PRR16: variants seen among roughly 807,000 people sequenced by gnomAD.
The protein encoded by PRR16 is protein Largen.
PRR16 carries 6 observed loss-of-function variants against 18.2 expected under a neutral mutation model. The ratio of observed to expected loss-of-function variants is 0.33; its 90% CI spans 0.18 to 0.65. The LOEUF (loss-of-function observed/expected upper bound fraction) is 0.65, where lower values mean the gene tolerates loss of function less well. Among genes scored for constraint, PRR16 ranks in the 30% least tolerant of loss-of-function variants. The pLI is 0.74. For missense variants in PRR16, 412 were observed against 376.6 expected (o/e 1.09, Z -0.78); for synonymous variants, 151 against 147.8 (o/e 1.02, Z -0.16).
intron 1 of PRR16, among the ~76,000 whole-genome samples, chr5:120,506,300 TTTTATTTTAGAATAAA>T (rs1561521942): frequency 1.3e-5 from 2 of 152,054 alleles, no homozygotes; most frequent in Non-Finnish European, 2.9e-5. Flanking sequence ...ATAAATACAA[TTTTATTTTAGAATAAA>T]TTCTTGCATA....
chr5:120,496,185 T>A (rs959476559), intron 1 of PRR16, among the ~76,000 whole-genome samples: 8 of 152,052 alleles, frequency 5.3e-5, no homozygotes. Flanking sequence ...TCAATTCTAT[T>A]TGGTAAAAAC....
chr5:120,650,209 C>T (rs1416842865), intron 1 of PRR16, among the ~76,000 whole-genome samples: 1 of 148,910 alleles, frequency 6.7e-6, no homozygotes, highest in Non-Finnish European at 1.5e-5. Context: ...GAACAAGACT[C>T]CTTCTAAAAA....
At chr5:120,561,044 A>G (rs558519433) in intron 1 of PRR16, among the ~76,000 whole-genome samples, 1 of 151,946 alleles carries the variant, frequency 6.6e-6, no homozygotes, top group African/African-American at 2.4e-5. Context: ...AAAGGTTTGT[A>G]AATTTTATCT....
At chr5:120,765,158 G>T in the PRR16 span, among the ~76,000 whole-genome samples, 2 of 150,558 alleles carry the variant, frequency 1.3e-5, no homozygotes, top group Non-Finnish European at 1.5e-5. Context: ...TGAAATAAAA[G>T]GTCTTTAAAA....
intron 1 of PRR16, among the ~76,000 whole-genome samples, chr5:120,634,147 A>G (rs757406908): frequency 6.6e-6 from 1 of 152,198 alleles, no homozygotes; most frequent in Non-Finnish European, 1.5e-5. Context: ...ATGCTAACAC[A>G]TGGAAATTAA....
At chr5:120,649,074 C>T (rs1337025559) in intron 1 of PRR16, among the ~76,000 whole-genome samples, 2 of 151,990 alleles carry the variant, frequency 1.3e-5, no homozygotes, top group East Asian at 3.9e-4. Context: ...TCACAAATTC[C>T]AGAAATTTTA....
chr5:120,749,953 C>T, the PRR16 span, among the ~76,000 whole-genome samples: 1 of 152,112 alleles, frequency 6.6e-6, no homozygotes, highest in Non-Finnish European at 1.5e-5. Flanking sequence ...ATTTATTTGT[C>T]TAACCACCTC....
the PRR16 span, among the ~76,000 whole-genome samples, chr5:120,748,312 T>A: frequency 1.3e-5 from 2 of 152,084 alleles, no homozygotes; most frequent in Admixed American, 1.3e-4. Context: ...AAATAGTAAT[T>A]CTCTTCTAAA....
chr5:120,479,154 C>T (rs1027419658), intron 1 of PRR16, among the ~76,000 whole-genome samples: 1 of 152,142 alleles, frequency 6.6e-6, no homozygotes, highest in Non-Finnish European at 1.5e-5. Flanking sequence ...AGAAATGGGG[C>T]TTTCCTAACC....
At chr5:120,591,989 G>T (rs995431073) in intron 1 of PRR16, among the ~76,000 whole-genome samples, 1 of 152,058 alleles carries the variant, frequency 6.6e-6, no homozygotes, top group Non-Finnish European at 1.5e-5. Flanking sequence ...AAAAAGCCCA[G>T]GATTGCTGTT....
At chr5:120,655,937 C>T (rs941410991) in intron 1 of PRR16, among the ~76,000 whole-genome samples, 17 of 151,846 alleles carry the variant, frequency 1.1e-4, no homozygotes, top group Middle Eastern at 3.4e-3. Context: ...TCCCTTGAAT[C>T]ACTATCACTG....
At chr5:120,592,831 A>C (rs781355713) in intron 1 of PRR16, among the ~76,000 whole-genome samples, 1 of 152,176 alleles carries the variant, frequency 6.6e-6, no homozygotes, top group Non-Finnish European at 1.5e-5. Flanking sequence ...GTCAATGTTA[A>C]ATTACTAACT....
chr5:120,556,233 G>GTTTTTTTTTTTTTTTTTTTTT (rs34053155), intron 1 of PRR16, among the ~76,000 whole-genome samples: 1 of 121,760 alleles, frequency 8.2e-6, no homozygotes, highest in Non-Finnish European at 1.7e-5. Flanking sequence ...CAATTTCATT[G>GTTTTTTTTTTTTTTTTTTTTT]TTTTTTTTTT....
At chr5:120,714,954 CAG>C in the PRR16 span, among the ~76,000 whole-genome samples, 23 of 152,160 alleles carry the variant, frequency 1.5e-4, no homozygotes, top group Non-Finnish European at 3.4e-4. Flanking sequence ...CACATGGACA[CAG>C]GGAGGAGAAC....
intron 1 of PRR16, among the ~76,000 whole-genome samples, chr5:120,643,951 G>A (rs1464725355): frequency 6.6e-6 from 1 of 152,120 alleles, no homozygotes; most frequent in Non-Finnish European, 1.5e-5. Flanking sequence ...GTTGCAATGA[G>A]CTGAGATCAT....
chr5:120,568,156 A>G (rs77092755), intron 1 of PRR16, among the ~76,000 whole-genome samples: 1 of 152,210 alleles, frequency 6.6e-6, no homozygotes, highest in Non-Finnish European at 1.5e-5. Context: ...AGAACCCGGA[A>G]AAACGGACAC....
At chr5:120,598,401 A>G (rs1753881609) in intron 1 of PRR16, among the ~76,000 whole-genome samples, 1 of 151,878 alleles carries the variant, frequency 6.6e-6, no homozygotes, top group African/African-American at 2.4e-5. Context: ...TCTTATGCAA[A>G]AGGATGTGAA....
intron 1 of PRR16, among the ~76,000 whole-genome samples, chr5:120,470,422 G>T (rs968484188): frequency 2.0e-5 from 3 of 152,004 alleles, no homozygotes; most frequent in African/African-American, 7.2e-5. Context: ...TAAACATTTT[G>T]TCATATTTTC....
chr5:120,729,745 G>C, the PRR16 span, among the ~76,000 whole-genome samples: 3 of 152,126 alleles, frequency 2.0e-5, no homozygotes. Flanking sequence ...TCCTCACAAA[G>C]TGAAAACATG....
Sources: allele counts gnomAD v4.1 joint callset (sites outside exome capture counted in the v4.1 genomes callset), GRCh38; gene constraint gnomAD v4.1.1; transcripts MANE v1.5; gene names NCBI Gene and HGNC (gene_info 2026-07-23, HGNC 2026-07-21).